DNAAF4: variants seen among roughly 807,000 people sequenced by gnomAD.
DNAAF4 encodes dynein assembly factor 4, axonemal.
A neutral mutation model predicts 51.8 loss-of-function variants in DNAAF4; 43 were observed. The ratio of observed to expected loss-of-function variants is 0.83; its 90% confidence interval spans 0.65 to 1.07. The LOEUF is 1.07. Among genes scored for constraint, DNAAF4 ranks in the 50% least tolerant of loss-of-function variants. The probability of loss-of-function intolerance (pLI) is 0.00; values close to 1 mark genes in which losing one functional copy is unlikely to be tolerated. For missense variants in DNAAF4, 581 were observed against 493.0 expected, an observed-to-expected ratio of 1.18 and a Z score of -1.69; for synonymous variants, 194 against 165.6, an observed-to-expected ratio of 1.17 and a Z score of -1.32.
At chr15:55,498,700 G>C (rs1219232152) in intron 1 of DNAAF4, 116 bp from the exon 2 acceptor site, 1 of 177,306 alleles carries the variant, frequency 5.6e-6, no homozygotes, top group Non-Finnish European at 1.2e-5. Context: ...GAGGTTGGGA[G>C]TTCGAGACCA....
At chr15:55,460,245 G>T (rs1317964389) in intron 5 of DNAAF4, among the ~76,000 whole-genome samples, 1 of 148,920 alleles carries the variant, frequency 6.7e-6, no homozygotes, top group African/African-American at 2.5e-5. Flanking sequence ...CCGTGGTGCA[G>T]TCTCGGCTCA....
At chr15:55,481,182 G>C (rs1251635089) in intron 4 of DNAAF4, among the ~76,000 whole-genome samples, 4 of 152,182 alleles carry the variant, frequency 2.6e-5, no homozygotes, top group Admixed American at 1.3e-4. Flanking sequence ...AGCAGTGTGA[G>C]AATGGACTAA....
chr15:55,421,897 TG>T (rs1454668917), intron 7 of DNAAF4, among the ~76,000 whole-genome samples: 1 of 92,594 alleles, frequency 1.1e-5, no homozygotes, highest in African/African-American at 4.3e-5. Flanking sequence ...CTCAAAAAAA[TG>T]TATAATAATA....
At chr15:55,433,129 G>A (rs2057522821) in intron 8 of DNAAF4, among the ~76,000 whole-genome samples, 1 of 152,068 alleles carries the variant, frequency 6.6e-6, no homozygotes, top group African/African-American at 2.4e-5. Flanking sequence ...GCAAAACCCT[G>A]TCTCTACTAA....
chr15:55,427,903 G>A (rs919624196), downstream of DNAAF4, among the ~76,000 whole-genome samples: 1 of 151,350 alleles, frequency 6.6e-6, no homozygotes, highest in Non-Finnish European at 1.5e-5. Flanking sequence ...CCAAAGTGCT[G>A]GGATTGCAGG....
At chr15:55,438,582 G>A (rs1332097739) in intron 7 of DNAAF4, among the ~76,000 whole-genome samples, 4 of 151,990 alleles carry the variant, frequency 2.6e-5, no homozygotes, top group African/African-American at 9.7e-5. Context: ...AGGAGTTCAA[G>A]ACCAGCTTGA....
chr15:55,463,164 ACT>A (rs2058117711), intron 5 of DNAAF4, among the ~76,000 whole-genome samples: 1 of 125,306 alleles, frequency 8.0e-6, no homozygotes, highest in Non-Finnish European at 1.6e-5. Context: ...ACACAGTGAG[ACT>A]CTGTCTCACA....
At position 55,474,218 on chromosome 15, in the gene DNAAF4, G is replaced by C. The variant is rs144884338; in HGVS notation, c.406-7057C>G. Among the ~76,000 whole-genome samples the C allele has an allele frequency of 3.0e-3, 462 of 152,156 alleles. 1 individual carries two copies. The highest frequency in any genetic ancestry group is 5.0e-3 in the Non-Finnish European group (342 of 67,992). On this transcript the variant is annotated intron_variant, in intron 4 of 9. Coordinates refer to ENST00000321149, the MANE Select transcript of DNAAF4 (RefSeq NM_130810.4). ...AAAATAATAAACTGACAAACCAAAA[G>C]TAAGTTCAGCAAGGCAGTCACATAT...
chr15:55,487,615 G>A (rs2058510695), intron 4 of DNAAF4, among the ~76,000 whole-genome samples: 1 of 152,084 alleles, frequency 6.6e-6, no homozygotes, highest in Non-Finnish European at 1.5e-5. Flanking sequence ...GTGAGGGTCT[G>A]CAGCTTAATT....
chr15:55,442,418 C>A (rs1293836248), intron 6 of DNAAF4, among the ~76,000 whole-genome samples: 1 of 152,236 alleles, frequency 6.6e-6, no homozygotes, highest in African/African-American at 2.4e-5. Flanking sequence ...AGCGCCCTGA[C>A]TGAGAGTTGT....
chr15:55,507,938 C>T (rs932671685), intron 1 of DNAAF4, among the ~76,000 whole-genome samples, 184 bp downstream of exon 1: 2 of 152,194 alleles, frequency 1.3e-5, no homozygotes, highest in Middle Eastern at 3.2e-3. Flanking sequence ...ATATTACCAT[C>T]ATCTGGGGAC....
intron 4 of DNAAF4, among the ~76,000 whole-genome samples, chr15:55,483,193 T>G (rs1272918455): frequency 6.6e-6 from 1 of 152,066 alleles, no homozygotes. Context: ...GCCTCCCAGG[T>G]TCAAGCAATT....
chr15:55,464,108 G>A (rs1595921663), intron 5 of DNAAF4, among the ~76,000 whole-genome samples: 1 of 152,164 alleles, frequency 6.6e-6, no homozygotes, highest in Admixed American at 6.6e-5. Context: ...ATAAAAACAG[G>A]CACATAGGCC....
intron 7 of DNAAF4, 94 bp downstream of exon 7, chr15:55,439,377 TG>T: frequency 9.4e-7 from 1 of 1,068,454 alleles, no homozygotes; most frequent in Non-Finnish European, 1.4e-6. Context: ...CCCAAAGGGC[TG>T]GGATTACAGG....
chr15:55,432,237 A>C (rs893722319), intron 9 of DNAAF4, among the ~76,000 whole-genome samples: 2 of 152,128 alleles, frequency 1.3e-5, no homozygotes, highest in African/African-American at 4.8e-5. Flanking sequence ...AGGCATGAGC[A>C]TCTGCACCCA....
rs199762268 is a variant in DNAAF4, at chr15:55,498,932, AAAAG to A, written c.-255-352_-255-349del. ...GTCTCAAAAAAAAAAAAAGAAAAGA[AAAAG>A]AAAGAAAGAAAAAAAAAAGCACTTC... On this transcript the variant is annotated intron_variant, in intron 1 of 9. Coordinates refer to ENST00000321149, the MANE Select transcript of DNAAF4 (RefSeq NM_130810.4). 5.8e-3 allele frequency among the ~76,000 whole-genome samples: 873 copies of A among 149,634 alleles called. 11 individuals are homozygous for A. Among genetic ancestry groups the A allele is most frequent in the Non-Finnish European group, 9.2e-3 (627 of 67,938 alleles).
chr15:55,444,037 CTTTAG>C (rs1489146927), intron 6 of DNAAF4, among the ~76,000 whole-genome samples: 2 of 152,102 alleles, frequency 1.3e-5, no homozygotes, highest in Non-Finnish European at 2.9e-5. Context: ...TGCAGAGGCT[CTTTAG>C]TTTAATTAGA....
intron 4 of DNAAF4, among the ~76,000 whole-genome samples, chr15:55,489,876 T>G (rs1240325446): frequency 7.8e-6 from 1 of 128,340 alleles, no homozygotes; most frequent in Non-Finnish European, 1.6e-5. Flanking sequence ...AGATAAGAAG[T>G]TTTTTTTTTT....
At chr15:55,507,881 T>A (rs961642567) in intron 1 of DNAAF4, among the ~76,000 whole-genome samples, 1 of 152,024 alleles carries the variant, frequency 6.6e-6, no homozygotes, top group Non-Finnish European at 1.5e-5. Context: ...CAAATAAAAT[T>A]AAATACAGAG....
Sources: allele counts gnomAD v4.1 joint callset (sites outside exome capture counted in the v4.1 genomes callset), GRCh38; gene constraint gnomAD v4.1.1; transcripts MANE v1.5; gene names NCBI Gene and HGNC (gene_info 2026-07-23, HGNC 2026-07-21).